HPCAL1: variants seen among roughly 807,000 people sequenced by gnomAD.
The protein encoded by HPCAL1 is hippocalcin like 1.
HPCAL1 carries 8 observed loss-of-function variants against 17.1 expected under a neutral mutation model. The ratio of observed to expected loss-of-function variants is 0.47; its 90% CI spans 0.27 to 0.84. The LOEUF (loss-of-function observed/expected upper bound fraction) is 0.84, where lower values mean the gene tolerates loss of function less well. HPCAL1 is among the 40% of genes least tolerant of loss of function. HPCAL1 has a pLI of 0.13. For missense variants in HPCAL1, 165 were observed against 271.1 expected (o/e 0.61, Z 2.75); for synonymous variants, 112 against 111.4 (o/e 1.01, Z -0.03).
At position 10,386,900 on chromosome 2, in the gene HPCAL1, T is replaced by G. The variant is rs1572781295; in HGVS notation, c.-110-9935T>G. ...CTCACTGGGGCTGCTTTCCTCCCTC[T>G]CTTATTGCTCTCTGGGTGAGAGTTG... On this transcript the variant is annotated intron_variant, in intron 1 of 4. Coordinates refer to ENST00000307845, the MANE Select transcript of HPCAL1 (RefSeq NM_002149.4). 2.0e-5 allele frequency among the ~76,000 whole-genome samples: 3 copies of G among 152,284 alleles called. No individual in the cohort carries two copies. In the Middle Eastern group the frequency reaches 0.01, roughly 518 times the overall value.
At chr2:10,351,583 CCT>C (rs1354478627) in intron 1 of HPCAL1, among the ~76,000 whole-genome samples, 2 of 152,022 alleles carry the variant, frequency 1.3e-5, no homozygotes, top group South Asian at 2.1e-4. Flanking sequence ...CATGGCGAGA[CCT>C]CTGTCTCTAC....
chr2:10,372,541 G>A (rs533627836), intron 1 of HPCAL1, among the ~76,000 whole-genome samples: 1 of 152,290 alleles, frequency 6.6e-6, no homozygotes, highest in East Asian at 1.9e-4. Flanking sequence ...GCGTATGGCT[G>A]TGACACAGGG....
chr2:10,315,693 T>C (rs1663270741), intron 1 of HPCAL1, among the ~76,000 whole-genome samples: 1 of 152,128 alleles, frequency 6.6e-6, no homozygotes, highest in Admixed American at 6.5e-5. Context: ...ACTGAGCAAA[T>C]CTGTTACCTA....
At chr2:10,351,803 C>T (rs532785013) in intron 1 of HPCAL1, among the ~76,000 whole-genome samples, 251 of 151,960 alleles carry the variant, frequency 1.7e-3, no homozygotes, top group African/African-American at 5.8e-3. Flanking sequence ...TTCTCCCTGT[C>T]TGAAAAAGGG....
intron 1 of HPCAL1, among the ~76,000 whole-genome samples, chr2:10,385,897 CG>C (rs34110481): frequency 0.09 from 13,728 of 152,120 alleles, 1,497 homozygotes; most frequent in East Asian, 0.49. Flanking sequence ...GGCCTCGTGT[CG>C]GGGGGTGTCC....
At position 10,365,406 on chromosome 2, in the gene HPCAL1, G is replaced by A. The variant is rs1022505393; in HGVS notation, c.-110-31429G>A. Among the ~76,000 whole-genome samples, 11 of 152,198 alleles carry A rather than the reference G, an allele frequency of 7.2e-5. No homozygotes were observed. Among genetic ancestry groups the A allele is most frequent in the Non-Finnish European group, 1.2e-4 (8 of 68,026 alleles). On this transcript the variant is annotated intron_variant, in intron 1 of 4. Coordinates refer to ENST00000307845, the MANE Select transcript of HPCAL1 (RefSeq NM_002149.4). The surrounding 1 kb of genome is among the most constrained non-coding windows in gnomAD (Gnocchi z 4.8). ...CCTCGTGTCATGGAGATGGGCAGACGAGGTGCCAGCTATTTGAACGGACAG... is the reference window on the plus strand; with the variant it reads ...CCTCGTGTCATGGAGATGGGCAGACAAGGTGCCAGCTATTTGAACGGACAG...
At chr2:10,356,951 C>A (rs1026994103) in intron 1 of HPCAL1, among the ~76,000 whole-genome samples, 2 of 152,138 alleles carry the variant, frequency 1.3e-5, no homozygotes, top group Admixed American at 1.3e-4. Context: ...CCATTACCCC[C>A]AAAAATACAA....
At chr2:10,341,393 G>A (rs1310302368) in intron 1 of HPCAL1, among the ~76,000 whole-genome samples, 7 of 152,192 alleles carry the variant, frequency 4.6e-5, no homozygotes, top group Non-Finnish European at 1.0e-4. Flanking sequence ...CGAGGCTGCA[G>A]TGAGTCATGA....
At chr2:10,368,155 G>GGT (rs1308656356) in intron 1 of HPCAL1, among the ~76,000 whole-genome samples, 2 of 151,648 alleles carry the variant, frequency 1.3e-5, no homozygotes, top group Admixed American at 1.3e-4. Flanking sequence ...TGCATGTGTA[G>GGT]GTGTGTGTGT....
intron 1 of HPCAL1, among the ~76,000 whole-genome samples, chr2:10,360,156 G>T (rs537459166): frequency 2.0e-5 from 3 of 152,238 alleles, no homozygotes; most frequent in South Asian, 4.2e-4. Flanking sequence ...ACTCTGCTGC[G>T]GTCTCCAGGA....
At chr2:10,366,021 G>A (rs1429276329) in intron 1 of HPCAL1, among the ~76,000 whole-genome samples, 2 of 152,138 alleles carry the variant, frequency 1.3e-5, no homozygotes, top group African/African-American at 2.4e-5. Context: ...GTCCACGTTT[G>A]CCCAGCAGCA....
rs1316408733 is a variant in HPCAL1, at chr2:10,359,223, C to T, written c.-110-37612C>T. Among the ~76,000 whole-genome samples, 1 of 152,160 alleles carries T rather than the reference C, an allele frequency of 6.6e-6. No individual in the cohort carries two copies. Among genetic ancestry groups the T allele is most frequent in the Non-Finnish European group, 1.5e-5 (1 of 68,006 alleles). On this transcript the variant is annotated intron_variant, in intron 1 of 4. Coordinates refer to ENST00000307845, the MANE Select transcript of HPCAL1 (RefSeq NM_002149.4). The surrounding 1 kb of genome is among the most constrained non-coding windows in gnomAD (Gnocchi z 4.1). ...TTCTGAAATTCCTGGTGGCCACTCC[C>T]TTGGTGTCCATGGGTGTCTGGTGTG...
chr2:10,356,436 G>T (rs114207593), intron 1 of HPCAL1, among the ~76,000 whole-genome samples: 446 of 152,250 alleles, frequency 2.9e-3, no homozygotes, highest in African/African-American at 0.01. Flanking sequence ...CTTGAGGGAG[G>T]ACGGTGTGTG....
At chr2:10,414,098 T>G (rs1237961586) in intron 2 of HPCAL1, among the ~76,000 whole-genome samples, 1 of 152,248 alleles carries the variant, frequency 6.6e-6, no homozygotes, top group Non-Finnish European at 1.5e-5. Context: ...CCAGGGTTGG[T>G]TTACTTGTGG....
rs1666779773 is a variant in HPCAL1 at position 10,365,302 on chromosome 2, C to T, written c.-110-31533C>T. Among the ~76,000 whole-genome samples, 2 of 152,214 alleles carry T rather than the reference C, an allele frequency of 1.3e-5. No homozygotes were observed. The highest frequency in any genetic ancestry group is 6.5e-5 in the Admixed American group (1 of 15,286). ...TCATCCAGTGGGTGCCCTCACTGTG[C>T]ACCTGCCTCCAGGTGGTGGCGCGGT... is the stretch of plus-strand genomic sequence containing the variant. On this transcript the variant is annotated intron_variant, in intron 1 of 4. Transcript: ENST00000307845. The surrounding 1 kb of genome is among the most constrained non-coding windows in gnomAD (Gnocchi z 4.8).
intron 1 of HPCAL1, among the ~76,000 whole-genome samples, chr2:10,392,346 T>TTGG (rs1668756934): frequency 6.6e-6 from 1 of 152,240 alleles, no homozygotes; most frequent in African/African-American, 2.4e-5. Context: ...TGGCCAAGAA[T>TTGG]TGGTATTCCT....
In HPCAL1 at chr2:10,344,376, G is replaced by A. The variant is rs1213397336; in HGVS notation, c.-111+41199G>A. ...CAAGGGGGGCCCCGAAGTGCCGCTA[G>A]GTGCCTCACGATTAGCATAAGGCCC... On this transcript the variant is annotated intron_variant, in intron 1 of 4. Transcript: ENST00000307845. This position sits in a 1 kb window ranked among gnomAD's most constrained non-coding sequence, Gnocchi z 4.9. Among the ~76,000 whole-genome samples, 2 of 152,186 alleles carry A rather than the reference G, an allele frequency of 1.3e-5. No individual in the cohort carries two copies. Among genetic ancestry groups the A allele is most frequent in the Admixed American group, 6.5e-5 (1 of 15,282 alleles).
At chr2:10,346,678 T>A (rs1364115512) in intron 1 of HPCAL1, among the ~76,000 whole-genome samples, 2 of 152,206 alleles carry the variant, frequency 1.3e-5, no homozygotes, top group African/African-American at 2.4e-5. Flanking sequence ...GAGAGTGTTT[T>A]CCAGTAGCAG....
intron 1 of HPCAL1, among the ~76,000 whole-genome samples, chr2:10,376,431 C>CA (rs990888910): frequency 1.5e-4 from 19 of 125,770 alleles, no homozygotes; most frequent in African/African-American, 3.8e-4. Context: ...CTTGACTTTA[C>CA]AAAAAAAATC....
Sources: allele counts gnomAD v4.1 joint callset (sites outside exome capture counted in the v4.1 genomes callset), GRCh38; gene constraint gnomAD v4.1.1; non-coding constraint Gnocchi (gnomAD v3.1); transcripts MANE v1.5; gene names NCBI Gene and HGNC (gene_info 2026-07-23, HGNC 2026-07-21).